The following LINGO2 variants were observed in gnomAD, a reference collection of about 807,000 sequenced individuals.
The protein encoded by LINGO2 is leucine rich repeat and Ig domain containing 2.
Under a neutral mutation model 30.6 loss-of-function variants are expected in LINGO2, and 14 were observed. The ratio of observed to expected loss-of-function variants is 0.46; its 90% CI spans 0.30 to 0.72. LINGO2 has a LOEUF of 0.72. Among genes scored for constraint, LINGO2 ranks in the 30% least tolerant of loss-of-function variants. LINGO2 has a pLI of 0.07. For synonymous variants in LINGO2, 317 were observed against 288.5 expected (o/e 1.10, Z -1.00); for missense variants, 729 against 751.7 (o/e 0.97, Z 0.35).
At chr9:28,839,705 T>C in the LINGO2 span, among the ~76,000 whole-genome samples, 3 of 152,086 alleles carry the variant, frequency 2.0e-5, no homozygotes, top group African/African-American at 7.2e-5. Flanking sequence ...ATGGGCAGGG[T>C]TGGATAAAGT....
the LINGO2 span, among the ~76,000 whole-genome samples, chr9:28,969,450 G>A: frequency 2.7e-4 from 41 of 152,292 alleles, no homozygotes; most frequent in African/African-American, 9.4e-4. Flanking sequence ...AAGGTAACGG[G>A]ACATAGTATT....
chr9:28,262,527 G>A (rs1414664931), intron 4 of LINGO2, among the ~76,000 whole-genome samples: 4 of 151,902 alleles, frequency 2.6e-5, no homozygotes, highest in African/African-American at 7.2e-5. Context: ...AGAAAGGCAA[G>A]TACTAATGCC....
At chr9:28,684,098 C>A in the LINGO2 span, among the ~76,000 whole-genome samples, 2 of 150,730 alleles carry the variant, frequency 1.3e-5, no homozygotes, top group Non-Finnish European at 3.0e-5. Flanking sequence ...CATTTTGTAC[C>A]CAGTAATTTT....
intron 3 of LINGO2, among the ~76,000 whole-genome samples, chr9:28,365,321 G>T (rs1007341748): frequency 2.0e-5 from 3 of 152,126 alleles, no homozygotes; most frequent in African/African-American, 4.8e-5. Context: ...GGGCCAGATT[G>T]TGAAAAATGT....
the LINGO2 span, among the ~76,000 whole-genome samples, chr9:29,050,761 T>C: frequency 4.6e-5 from 7 of 152,190 alleles, no homozygotes; most frequent in Non-Finnish European, 8.8e-5. Flanking sequence ...GACTTTCTTC[T>C]ACTGAGTACT....
the LINGO2 span, among the ~76,000 whole-genome samples, chr9:28,699,270 A>G: frequency 6.6e-6 from 1 of 151,984 alleles, no homozygotes; most frequent in African/African-American, 2.4e-5. Context: ...AAAATCTTCC[A>G]TACTCCACCT....
At chr9:29,199,834 G>A in the LINGO2 span, among the ~76,000 whole-genome samples, 4 of 152,062 alleles carry the variant, frequency 2.6e-5, no homozygotes, top group East Asian at 7.8e-4. Context: ...GAAAAATAGT[G>A]AAAGCAAAGT....
intron 2 of LINGO2, among the ~76,000 whole-genome samples, chr9:28,457,319 C>T (rs1824890279): frequency 6.6e-6 from 1 of 152,164 alleles, no homozygotes; most frequent in African/African-American, 2.4e-5. Flanking sequence ...GAAATGCTGG[C>T]AAAGCACACA....
the LINGO2 span, among the ~76,000 whole-genome samples, chr9:28,898,017 T>C: frequency 2.0e-5 from 3 of 152,096 alleles, no homozygotes; most frequent in East Asian, 1.9e-4. Flanking sequence ...CTGTCAATGA[T>C]AGTAAAGAAA....
intron 5 of LINGO2, among the ~76,000 whole-genome samples, chr9:27,953,593 C>G (rs1025362871): frequency 1.8e-4 from 27 of 152,216 alleles, no homozygotes; most frequent in African/African-American, 6.5e-4. Flanking sequence ...AGAGTTCTCA[C>G]AAGATCTGGT....
downstream of LINGO2, among the ~76,000 whole-genome samples, chr9:27,944,996 C>A (rs181019921): frequency 6.6e-6 from 1 of 152,270 alleles, no homozygotes; most frequent in East Asian, 1.9e-4. Flanking sequence ...CTGCCTCCAA[C>A]CTTCTTTAAA....
chr9:28,964,932 TTC>T, the LINGO2 span, among the ~76,000 whole-genome samples: 1 of 151,912 alleles, frequency 6.6e-6, no homozygotes, highest in East Asian at 1.9e-4. Flanking sequence ...GAACTTTTAC[TTC>T]TCACCAACAC....
intron 3 of LINGO2, among the ~76,000 whole-genome samples, chr9:28,318,976 T>C (rs1408706454): frequency 6.6e-6 from 1 of 152,192 alleles, no homozygotes; most frequent in Non-Finnish European, 1.5e-5. Flanking sequence ...GGTTAGTAAG[T>C]GGCAGAAGGA....
chr9:29,056,500 T>C, the LINGO2 span, among the ~76,000 whole-genome samples: 1 of 152,198 alleles, frequency 6.6e-6, no homozygotes, highest in South Asian at 2.1e-4. Flanking sequence ...TAGTCCTTCA[T>C]CAGATGCACA....
chr9:28,680,977 G>A, the LINGO2 span, among the ~76,000 whole-genome samples: 1 of 151,910 alleles, frequency 6.6e-6, no homozygotes, highest in Non-Finnish European at 1.5e-5. Context: ...TTTCCCTCTT[G>A]TTACTTATAC....
chr9:28,103,017 G>C (rs1347906799), intron 4 of LINGO2, among the ~76,000 whole-genome samples: 1 of 152,038 alleles, frequency 6.6e-6, no homozygotes, highest in Non-Finnish European at 1.5e-5. Context: ...ATTTTCTTTG[G>C]TTTGCCTCAC....
At chr9:28,528,690 T>G (rs1004472235) in intron 1 of LINGO2, among the ~76,000 whole-genome samples, 7 of 152,062 alleles carry the variant, frequency 4.6e-5, no homozygotes, top group African/African-American at 1.7e-4. Flanking sequence ...ATACTAAAAT[T>G]TGTCCTTACT....
At chr9:29,074,566 A>T in the LINGO2 span, among the ~76,000 whole-genome samples, 1 of 152,100 alleles carries the variant, frequency 6.6e-6, no homozygotes, top group African/African-American at 2.4e-5. Flanking sequence ...AGATAATGGC[A>T]CATCCATAGG....
the LINGO2 span, among the ~76,000 whole-genome samples, chr9:28,792,857 T>C: frequency 2.0e-5 from 3 of 152,172 alleles, no homozygotes; most frequent in Non-Finnish European, 2.9e-5. Flanking sequence ...CATAAGCTTC[T>C]GATAATAAGT....
Sources: allele counts gnomAD v4.1 joint callset (sites outside exome capture counted in the v4.1 genomes callset), GRCh38; gene constraint gnomAD v4.1.1; transcripts MANE v1.5; gene names NCBI Gene and HGNC (gene_info 2026-07-23, HGNC 2026-07-21).